Variants in OPRM1 observed in about 807,000 individuals in gnomAD.
OPRM1 encodes opioid receptor mu 1.
Under a neutral mutation model 31.8 loss-of-function variants are expected in OPRM1, and 27 were observed. That is an observed-to-expected ratio of 0.85 (90% CI 0.63 to 1.17). The LOEUF (loss-of-function observed/expected upper bound fraction) is 1.17, where lower values mean the gene tolerates loss of function less well. OPRM1 is among the 50% of genes most tolerant of loss of function. OPRM1 has a pLI of 0.00. For synonymous variants in OPRM1, 196 were observed against 189.9 expected, an observed-to-expected ratio of 1.03 and a Z score of -0.26; for missense variants, 536 against 511.1, an observed-to-expected ratio of 1.05 and a Z score of -0.47.
At position 154,127,792 on chromosome 6, in the gene OPRM1, C is replaced by T. The variant is rs935534694; in HGVS notation, c.*9071C>T. On this transcript the variant is annotated 3_prime_UTR_variant, in exon 4 of 4. Coordinates refer to ENST00000330432, the MANE Select transcript of OPRM1 (RefSeq NM_000914.5). ...TGATTCCTAATGCCTGTTCCTGCCT[C>T]TGCAGGGGTTCATTCAGAAAACAGG... Among the ~76,000 whole-genome samples the T allele has an allele frequency of 6.6e-6, 1 of 152,246 alleles. No homozygotes were observed. The highest frequency in any genetic ancestry group is 2.4e-5 in the African/African-American group (1 of 41,464).
chr6:154,212,972 C>A, intron 3 of OPRM1: 1 of 735,978 alleles, frequency 1.4e-6, no homozygotes, highest in South Asian at 1.6e-5. Flanking sequence ...TCAGAAAGTT[C>A]ATATCTAATG....
At chr6:154,075,535 T>C (rs1362329647) in intron 1 of OPRM1, among the ~76,000 whole-genome samples, 3 of 149,456 alleles carry the variant, frequency 2.0e-5, no homozygotes, top group Non-Finnish European at 4.4e-5. Flanking sequence ...GACTGCAACC[T>C]CCACCTCCCA....
At chr6:154,012,880 A>T (rs1370909451) in intron 1 of OPRM1, among the ~76,000 whole-genome samples, 1 of 152,016 alleles carries the variant, frequency 6.6e-6, no homozygotes, top group Non-Finnish European at 1.5e-5. Context: ...ACAGGGAGAG[A>T]GGAAGAAAGC....
intron 3 of OPRM1, among the ~76,000 whole-genome samples, chr6:154,194,245 C>A (rs893568379): frequency 6.6e-6 from 1 of 151,996 alleles, no homozygotes; most frequent in Non-Finnish European, 1.5e-5. Context: ...ACTAAAAATA[C>A]AAAATTAGCC....
At chr6:154,173,576 T>C (rs1004540518) in intron 3 of OPRM1, among the ~76,000 whole-genome samples, 5 of 152,080 alleles carry the variant, frequency 3.3e-5, no homozygotes, top group African/African-American at 7.2e-5. Context: ...GGATCAGTGA[T>C]TGAAGATCAA....
At chr6:154,045,585 C>T (rs973117379) in intron 1 of OPRM1, among the ~76,000 whole-genome samples, 1 of 152,218 alleles carries the variant, frequency 6.6e-6, no homozygotes, top group African/African-American at 2.4e-5. Flanking sequence ...AAAGCAATGG[C>T]TTTCACGTTG....
intron 3 of OPRM1, chr6:154,110,239 CA>C (rs1269984318): frequency 1.4e-5 from 8 of 567,570 alleles, no homozygotes; most frequent in Non-Finnish European, 2.5e-5. Flanking sequence ...GGTGATATTA[CA>C]AGAAAAAAAT....
At chr6:154,093,542 A>G in intron 3 of OPRM1, 1 of 1,549,822 alleles carries the variant, frequency 6.5e-7, no homozygotes, top group Non-Finnish European at 8.7e-7. Context: ...CAGATAGAAG[A>G]GAAAAGAAGC....
chr6:154,237,978 A>G (rs1780274629), intron 3 of OPRM1, among the ~76,000 whole-genome samples: 1 of 152,166 alleles, frequency 6.6e-6, no homozygotes, highest in Admixed American at 6.5e-5. Flanking sequence ...ACGATTTTAA[A>G]CGATTTTAGG....
intron 3 of OPRM1, among the ~76,000 whole-genome samples, chr6:154,226,227 C>T (rs1389643713): frequency 6.6e-6 from 1 of 152,190 alleles, no homozygotes; most frequent in Non-Finnish European, 1.5e-5. Context: ...AAAACCCATA[C>T]CTTGTATCAC....
intron 3 of OPRM1, among the ~76,000 whole-genome samples, chr6:154,202,922 G>C (rs1472386813): frequency 6.6e-6 from 1 of 152,148 alleles, no homozygotes; most frequent in Non-Finnish European, 1.5e-5. Context: ...ATGAGAAAGT[G>C]ACTACATATT....
Position 154,242,300 on chromosome 6 carries a change from C to A in OPRM1, c.1165-4393C>A, listed in dbSNP as rs117931152. On this transcript the variant is annotated intron_variant, in intron 3 of 3. Transcript: ENST00000337049. Reference sequence around the variant, plus strand: ...ATTCAGATTGCTCCTTTTCCCATATCTGTTTTTAAGAATAGAGGTGGAAAT... The same window carrying A: ...ATTCAGATTGCTCCTTTTCCCATATATGTTTTTAAGAATAGAGGTGGAAAT... Among the ~76,000 whole-genome samples, 11 of 152,284 alleles carry A rather than the reference C, an allele frequency of 7.2e-5. No homozygotes were observed. In the East Asian group the frequency reaches 1.5e-3, roughly 21 times the overall value.
chr6:154,103,680 T>C (rs1013760143), intron 3 of OPRM1, among the ~76,000 whole-genome samples: 1 of 152,216 alleles, frequency 6.6e-6, no homozygotes. Context: ...CTTGATGATA[T>C]GCTCAACAAG....
At chr6:154,233,120 C>T (rs1190420451) in intron 3 of OPRM1, among the ~76,000 whole-genome samples, 2 of 151,938 alleles carry the variant, frequency 1.3e-5, no homozygotes, top group East Asian at 1.9e-4. Flanking sequence ...AGGCATGTGC[C>T]GCCACGCCCA....
chr6:154,115,275 C>G (rs921845181), intron 3 of OPRM1, among the ~76,000 whole-genome samples: 2 of 152,170 alleles, frequency 1.3e-5, no homozygotes, highest in African/African-American at 4.8e-5. Flanking sequence ...CGCAGTGGCT[C>G]AAGCTTGTAA....
chr6:154,076,132 G>C (rs929455037), intron 1 of OPRM1, among the ~76,000 whole-genome samples: 10 of 152,170 alleles, frequency 6.6e-5, no homozygotes, highest in African/African-American at 1.9e-4. Context: ...TTTTTACAAA[G>C]TTTACAAAAT....
At chr6:154,047,507 A>T (rs1781362032) in intron 1 of OPRM1, among the ~76,000 whole-genome samples, 1 of 151,764 alleles carries the variant, frequency 6.6e-6, no homozygotes, top group South Asian at 2.1e-4. Flanking sequence ...GATGGTTTTA[A>T]TATTTGCCTT....
At chr6:154,050,563 A>T (rs7453608) in intron 1 of OPRM1, among the ~76,000 whole-genome samples, 1 of 152,128 alleles carries the variant, frequency 6.6e-6, no homozygotes, top group African/African-American at 2.4e-5. Context: ...AATTGAATTC[A>T]TAAACTTAGA....
intron 3 of OPRM1, among the ~76,000 whole-genome samples, chr6:154,147,132 A>G (rs1798379021): frequency 6.6e-6 from 1 of 152,196 alleles, no homozygotes; most frequent in Admixed American, 6.5e-5. Flanking sequence ...CTATTCAACC[A>G]GAGGTGAAGT....
Sources: allele counts gnomAD v4.1 joint callset (sites outside exome capture counted in the v4.1 genomes callset), GRCh38; gene constraint gnomAD v4.1.1; transcripts MANE v1.5; gene names NCBI Gene and HGNC (gene_info 2026-07-23, HGNC 2026-07-21).